Variants in PSD3 observed in about 807,000 individuals in gnomAD.
The protein encoded by PSD3 is PH and SEC7 domain-containing protein 3.
PSD3 carries 49 observed loss-of-function variants against 105.5 expected under a neutral mutation model. The ratio of observed to expected loss-of-function variants is 0.46; its 90% CI spans 0.37 to 0.59. The LOEUF is 0.59. Among genes scored for constraint, PSD3 ranks in the 20% least tolerant of loss-of-function variants. The pLI, the probability that PSD3 is intolerant of heterozygous loss-of-function variation, is 0.00. For synonymous variants in PSD3, 557 were observed against 457.8 expected (o/e 1.22, Z -2.77); for missense variants, 1,561 against 1,263.8 (o/e 1.24, Z -3.57).
At position 18,908,709 on chromosome 8, in the gene PSD3, A is replaced by G. The variant is rs552873411; in HGVS notation, c.130+27325T>C. On this transcript the variant is annotated intron_variant, in intron 2 of 15. Coordinates refer to ENST00000327040, the MANE Select transcript of PSD3 (RefSeq NM_015310.4). The stretch of plus-strand genomic sequence containing the variant: ...ATCATTTGGCACTTAATTACGTATC[A>G]TCTTCTATTTAATGGTTCCTCGTAT... Among the ~76,000 whole-genome samples the G allele has an allele frequency of 5.3e-5, 8 of 152,310 alleles. No homozygotes were observed. In the South Asian group the frequency reaches 1.7e-3, roughly 32 times the overall value.
intron 2 of PSD3, among the ~76,000 whole-genome samples, chr8:18,899,833 C>A (rs1819389833): frequency 5.3e-5 from 8 of 152,114 alleles, no homozygotes; most frequent in Admixed American, 5.2e-4. Context: ...ATTCAAGGCT[C>A]AGGGGTTAGA....
chr8:18,562,380 A>T (rs1248167777), intron 14 of PSD3, among the ~76,000 whole-genome samples: 1 of 152,214 alleles, frequency 6.6e-6, no homozygotes, highest in African/African-American at 2.4e-5. Flanking sequence ...CATTCTCCCA[A>T]CTTCTATCAT....
At chr8:18,537,146 G>A (rs1799891255) in intron 15 of PSD3, among the ~76,000 whole-genome samples, 1 of 152,194 alleles carries the variant, frequency 6.6e-6, no homozygotes. Context: ...CAGGATTCAA[G>A]TGGGGTGTGA....
rs1828075781 is a variant in PSD3, at chr8:19,040,234, G to A, written c.324+43972C>T. On this transcript the variant is annotated intron_variant, in intron 1 of 1. Transcript: ENST00000521475. ...TATTTATTTTTTGAGACAGGGTCTC[G>A]TTTTGTTGCTCGGGCTGGAGTGCAG... Among the ~76,000 whole-genome samples, 3 of 152,084 alleles carry A rather than the reference G, an allele frequency of 2.0e-5. No homozygotes were observed. The South Asian group carries it at 6.2e-4, about 31-fold the overall frequency.
At chr8:18,651,673 C>T (rs1019972137) in intron 10 of PSD3, among the ~76,000 whole-genome samples, 1 of 152,082 alleles carries the variant, frequency 6.6e-6, no homozygotes, top group African/African-American at 2.4e-5. Context: ...CTGGTGTCAT[C>T]AGATAAAGTA....
chr8:18,754,826 T>C (rs896808159), intron 9 of PSD3, among the ~76,000 whole-genome samples: 5 of 152,170 alleles, frequency 3.3e-5, no homozygotes, highest in Non-Finnish European at 7.4e-5. Context: ...TTTTCCTTTA[T>C]GGGATATTTT....
chr8:18,540,388 C>A (rs1446054167), intron 15 of PSD3, among the ~76,000 whole-genome samples: 1 of 152,126 alleles, frequency 6.6e-6, no homozygotes, highest in Non-Finnish European at 1.5e-5. Flanking sequence ...CCTGCAGTAT[C>A]TCAGGTATGC....
intron 12 of PSD3, among the ~76,000 whole-genome samples, chr8:18,589,676 G>A (rs1477795228): frequency 1.3e-5 from 2 of 152,200 alleles, no homozygotes; most frequent in Non-Finnish European, 2.9e-5. Context: ...GTCTGGAGAA[G>A]GGGTGGCAGG....
At chr8:18,754,011 T>G (rs537782224) in intron 9 of PSD3, among the ~76,000 whole-genome samples, 1 of 152,298 alleles carries the variant, frequency 6.6e-6, no homozygotes, top group South Asian at 2.1e-4. Context: ...ACTGCCCCTC[T>G]ATCTGAGGAA....
rs1808844053 is a variant in PSD3 at position 18,655,792 on chromosome 8, C to A, written c.2173-107G>T. The A allele has an allele frequency of 2.6e-5, 27 of 1,050,676 alleles. No homozygotes were observed. In the South Asian group the frequency reaches 3.4e-4, roughly 13 times the overall value. The allele number at this position is 1,050,676 out of a possible 1,614,324, so 65.1% of individuals were successfully genotyped here. A position where few individuals can be genotyped will look rare whatever the true frequency, so the allele number is the denominator to read the frequency against. ...TTCATAAAAGGATAGGCACGAAGCC[C>A]CCCTTGTCAGTCACCTTGCTTTTAG... is the stretch of plus-strand genomic sequence containing the variant. On this transcript the variant is annotated intron_variant, in intron 9 of 15. Transcript: ENST00000327040.
At chr8:18,610,356 C>T (rs1258425640) in intron 11 of PSD3, among the ~76,000 whole-genome samples, 1 of 152,208 alleles carries the variant, frequency 6.6e-6, no homozygotes, top group East Asian at 1.9e-4. Context: ...ACTTCAACCA[C>T]TCATACACTG....
intron 1 of PSD3, among the ~76,000 whole-genome samples, chr8:19,043,556 C>T (rs1828204711): frequency 6.6e-6 from 1 of 152,066 alleles, no homozygotes; most frequent in East Asian, 1.9e-4. Context: ...CTTGAATAGG[C>T]ATTTCTATGG....
intron 9 of PSD3, among the ~76,000 whole-genome samples, chr8:18,684,707 A>C (rs897874459): frequency 3.9e-5 from 6 of 152,204 alleles, no homozygotes; most frequent in African/African-American, 1.4e-4. Context: ...CAGAATAAAG[A>C]TGTTCTGTTA....
chr8:18,947,371 T>C (rs761508057), intron 1 of PSD3, among the ~76,000 whole-genome samples: 32 of 152,224 alleles, frequency 2.1e-4, no homozygotes, highest in Non-Finnish European at 7.3e-5. Flanking sequence ...TTTTTAATTG[T>C]GTGAGCACAA....
At chr8:18,641,182 A>G (rs997900714) in intron 10 of PSD3, among the ~76,000 whole-genome samples, 3 of 152,190 alleles carry the variant, frequency 2.0e-5, no homozygotes, top group African/African-American at 4.8e-5. Flanking sequence ...TGTACTGGCA[A>G]TCATTACCAT....
At chr8:18,677,045 A>T (rs1800101143) in intron 9 of PSD3, among the ~76,000 whole-genome samples, 1 of 152,252 alleles carries the variant, frequency 6.6e-6, no homozygotes, top group Admixed American at 6.5e-5. Context: ...ATTAAATTCA[A>T]GGGTCAAGAA....
rs1265320489 is a variant in PSD3, at chr8:18,527,734, C to A, written c.*8009G>T. The stretch of plus-strand genomic sequence containing the variant: ...CCTTTCAAAAGAAGACCACCACAAA[C>A]GCCATCGTTTTCTAGAAGACGGCAT... On this transcript the variant is annotated 3_prime_UTR_variant, in exon 16 of 16. Coordinates refer to ENST00000327040, the MANE Select transcript of PSD3 (RefSeq NM_015310.4). 6.6e-6 allele frequency: 1 copy of A among 152,560 alleles called. No individual in the cohort carries two copies. 9.5% of individuals were successfully genotyped at this position (152,560 alleles called of 1,614,324 possible).
chr8:18,577,099 G>T (rs1802506939), intron 12 of PSD3, among the ~76,000 whole-genome samples: 1 of 151,850 alleles, frequency 6.6e-6, no homozygotes, highest in Non-Finnish European at 1.5e-5. Context: ...AGCAGAGTTT[G>T]GGAAAGAAGA....
chr8:18,762,430 T>A (rs987299614), intron 9 of PSD3, among the ~76,000 whole-genome samples: 3 of 152,228 alleles, frequency 2.0e-5, no homozygotes, highest in Non-Finnish European at 4.4e-5. Flanking sequence ...CTGTTCTTTA[T>A]GAATTACTCA....
Sources: gnomAD v4.1 joint callset for allele counts (sites outside exome capture counted in the v4.1 genomes callset) on GRCh38, gnomAD v4.1.1 for gene constraint, MANE v1.5 for transcripts, NCBI Gene and HGNC (gene_info 2026-07-23, HGNC 2026-07-21) for gene names.